The following PM20D2 variants were observed in gnomAD, a reference collection of about 807,000 sequenced individuals.
PM20D2 encodes the protein peptidase M20 domain containing 2.
PM20D2 carries 33 observed loss-of-function variants against 42.9 expected under a neutral mutation model. That is an observed-to-expected ratio of 0.77 (90% confidence interval 0.58 to 1.03). The LOEUF (loss-of-function observed/expected upper bound fraction) is 1.03. Among genes scored for constraint, PM20D2 ranks in the 50% least tolerant of loss-of-function variants. PM20D2 has a pLI of 0.00. For synonymous variants in PM20D2, 250 were observed against 228.2 expected, an observed-to-expected ratio of 1.10 and a Z score of -0.86; for missense variants, 548 against 557.0, an observed-to-expected ratio of 0.98 and a Z score of 0.16.
In PM20D2 at chr6:89,162,229, T is replaced by G. The variant is rs764003319; in HGVS notation, c.1277T>G (p.Leu426Arg). ...EGIREDFKLK[L>R]QEEQFVNAVE ...ATCAGAGAGGACTTTAAACTGAAAC[T>G]TCAAGAAGAACAGTTTGTAAATGCA... is the stretch of plus-strand genomic sequence containing the variant. The change falls in exon 7 of 7, where the codon CTT becomes CGT. Residue 426 changes from leucine to arginine, a missense_variant. Physicochemically the swap from Leu to Arg is moderately radical, Grantham distance 102. Around this residue, in one of 3 missense-constraint regions of PM20D2, gnomAD observed 71 missense variants for 69.7 expected, o/e 1.02. Coordinates refer to ENST00000275072, the MANE Select transcript of PM20D2 (RefSeq NM_001010853.3). 17 of 1,613,884 alleles carry G rather than the reference T, an allele frequency of 1.1e-5. No homozygotes were observed. Among genetic ancestry groups the G allele is most frequent in the African/African-American group, 2.7e-5 (2 of 74,920 alleles).
the PM20D2 span, among the ~76,000 whole-genome samples, chr6:89,107,628 G>A: frequency 3.9e-5 from 6 of 152,228 alleles, no homozygotes; most frequent in East Asian, 1.2e-3. Context: ...CTACTCGGGA[G>A]GCTGAGGCGG....
chr6:89,161,032 A>G (rs532395951), intron 5 of PM20D2, among the ~76,000 whole-genome samples: 7 of 152,300 alleles, frequency 4.6e-5, no homozygotes, highest in African/African-American at 1.7e-4. Context: ...TAGACCAATT[A>G]GGAAACTTCT....
At chr6:89,102,484 T>C in the PM20D2 span, among the ~76,000 whole-genome samples, 2 of 152,160 alleles carry the variant, frequency 1.3e-5, no homozygotes, top group Non-Finnish European at 2.9e-5. Context: ...ATGTAGAATA[T>C]ATTCTGGAAT....
the PM20D2 span, among the ~76,000 whole-genome samples, chr6:89,102,458 T>A: frequency 6.6e-6 from 1 of 152,096 alleles, no homozygotes; most frequent in South Asian, 2.1e-4. Context: ...TATATATTTA[T>A]ACTGAAAATA....
At chr6:89,094,449 G>A in the PM20D2 span, among the ~76,000 whole-genome samples, 1 of 151,102 alleles carries the variant, frequency 6.6e-6, no homozygotes, top group African/African-American at 2.4e-5. Flanking sequence ...CGAACCCCTG[G>A]CCTCAAATGA....
At chr6:89,112,894 C>G in the PM20D2 span, among the ~76,000 whole-genome samples, 1 of 152,072 alleles carries the variant, frequency 6.6e-6, no homozygotes, top group Non-Finnish European at 1.5e-5. Flanking sequence ...TTTTTAGTGT[C>G]TTTTCTATGT....
In PM20D2 at chr6:89,146,135, C is replaced by G. The variant is rs751099917; in HGVS notation, c.-10C>G. 3 of 1,467,222 alleles carry G rather than the reference C, an allele frequency of 2.0e-6. No individual in the cohort carries two copies. In the South Asian group the frequency reaches 4.1e-5, roughly 20 times the overall value. The allele number at this position is 1,467,222 out of a possible 1,614,324, so 90.9% of individuals were successfully genotyped here. On this transcript the variant is annotated 5_prime_UTR_variant, in exon 1 of 7. Coordinates refer to ENST00000275072, the MANE Select transcript of PM20D2 (RefSeq NM_001010853.3). ...GCGAGAGGGCGCAGAGGGCAGCGGGCTTGGGCAGCATGAGGCCCGGAGGGG... is the reference window on the plus strand; with the variant it reads ...GCGAGAGGGCGCAGAGGGCAGCGGGGTTGGGCAGCATGAGGCCCGGAGGGG...
At chr6:89,139,235 GT>G in the PM20D2 span, among the ~76,000 whole-genome samples, 2 of 70,456 alleles carry the variant, frequency 2.8e-5, no homozygotes, top group East Asian at 1.1e-3. Flanking sequence ...TGACCAGCTA[GT>G]TTTTAAATTT....
chr6:89,111,549 T>C, the PM20D2 span, among the ~76,000 whole-genome samples: 1 of 152,202 alleles, frequency 6.6e-6, no homozygotes, highest in Non-Finnish European at 1.5e-5. Context: ...GTTTTTTTGT[T>C]CATTCCCTAG....
chr6:89,103,991 C>CTTT, the PM20D2 span, among the ~76,000 whole-genome samples: 31 of 81,964 alleles, frequency 3.8e-4, 3 homozygotes, highest in African/African-American at 9.3e-4. Flanking sequence ...TATTATATTT[C>CTTT]TTTTTTTTTT....
At chr6:89,112,526 A>G in the PM20D2 span, among the ~76,000 whole-genome samples, 1 of 147,442 alleles carries the variant, frequency 6.8e-6, no homozygotes, top group African/African-American at 2.5e-5. Context: ...AACTTGCTCC[A>G]ACCTTGAACT....
the PM20D2 span, among the ~76,000 whole-genome samples, chr6:89,138,759 G>A: frequency 6.6e-6 from 1 of 152,128 alleles, no homozygotes; most frequent in African/African-American, 2.4e-5. Flanking sequence ...CAACTACTTG[G>A]GTGGCTGAGG....
the PM20D2 span, among the ~76,000 whole-genome samples, chr6:89,103,380 G>C: frequency 6.6e-6 from 1 of 150,648 alleles, no homozygotes; most frequent in Non-Finnish European, 1.5e-5. Flanking sequence ...CCAGGCTGGA[G>C]AGCAGTGGCG....
the PM20D2 span, among the ~76,000 whole-genome samples, chr6:89,113,098 C>T: frequency 6.6e-6 from 1 of 152,176 alleles, no homozygotes; most frequent in Admixed American, 6.5e-5. Context: ...TATCTCTGTC[C>T]TTAACTGATG....
chr6:89,150,737 A>G (rs1372581568), intron 2 of PM20D2, among the ~76,000 whole-genome samples: 4 of 150,944 alleles, frequency 2.6e-5, no homozygotes, highest in Non-Finnish European at 5.9e-5. Context: ...ACAGGGTTTC[A>G]CCGTATTGGT....
intron 1 of PM20D2, 123 bp from the exon 2 acceptor site, chr6:89,149,142 A>G: frequency 8.0e-7 from 1 of 1,245,950 alleles, no homozygotes; most frequent in Non-Finnish European, 1.1e-6. Context: ...GTCATAGAAC[A>G]AAACCTGTCT....
chr6:89,094,265 C>T, the PM20D2 span, among the ~76,000 whole-genome samples: 1 of 151,066 alleles, frequency 6.6e-6, no homozygotes, highest in Non-Finnish European at 1.5e-5. Flanking sequence ...CTCTGTTGCC[C>T]AGGCTGGAGT....
At chr6:89,121,704 A>G in the PM20D2 span, among the ~76,000 whole-genome samples, 2 of 152,206 alleles carry the variant, frequency 1.3e-5, no homozygotes, top group Non-Finnish European at 2.9e-5. Flanking sequence ...GGAGTATACC[A>G]CTGGCAAATC....
At chr6:89,099,413 T>TATACACATATATATATGTGTATATATAC in the PM20D2 span, among the ~76,000 whole-genome samples, 1 of 140,032 alleles carries the variant, frequency 7.1e-6, no homozygotes, top group African/African-American at 2.8e-5. Flanking sequence ...CATATATATA[T>TATACACATATATATATGTGTATATATAC]ACATATATAT....
Sources: allele counts gnomAD v4.1 joint callset (sites outside exome capture counted in the v4.1 genomes callset), GRCh38; gene constraint gnomAD v4.1.1; regional missense constraint gnomAD v4.1.1; transcripts MANE v1.5; gene names NCBI Gene and HGNC (gene_info 2026-07-23, HGNC 2026-07-21).